MCF2L: variants seen among roughly 807,000 people sequenced by gnomAD.
MCF2L encodes guanine nucleotide exchange factor DBS.
In MCF2L, 97 loss-of-function variants were observed where a neutral mutation model predicts 153.4. That is an observed-to-expected ratio of 0.63 (90% CI 0.54 to 0.75). The LOEUF (loss-of-function observed/expected upper bound fraction) is 0.75, where lower values mean the gene tolerates loss of function less well. Ranked by LOEUF, MCF2L falls within the 30% of genes least tolerant of loss-of-function variation. The pLI is 0.00. For missense variants in MCF2L, 1,347 were observed against 1,495.2 expected (o/e 0.90, Z 1.64); for synonymous variants, 659 against 632.2 (o/e 1.04, Z -0.64).
At chr13:113,088,925 CG>C (rs1222060094) in intron 25 of MCF2L, among the ~76,000 whole-genome samples, 1 of 152,228 alleles carries the variant, frequency 6.6e-6, no homozygotes, top group Non-Finnish European at 1.5e-5. Flanking sequence ...CTCAGACAGT[CG>C]GGGCTCAGCT....
intron 1 of MCF2L, among the ~76,000 whole-genome samples, chr13:112,978,390 T>C (rs1455627108): frequency 2.0e-5 from 3 of 152,184 alleles, no homozygotes; most frequent in African/African-American, 7.2e-5. Flanking sequence ...AGGAGGGGGA[T>C]GGTATGTGGA....
In MCF2L at chr13:113,064,797, G is replaced by A. The variant is rs2297190; in HGVS notation, c.607-139G>A. 3,667 of 864,584 alleles carry A rather than the reference G, an allele frequency of 4.2e-3. 163 individuals carry two copies. The East Asian group carries it at 0.086, about 20-fold the overall frequency. The allele number at this position is 864,584 out of a possible 1,614,324, so 53.6% of individuals were successfully genotyped here. On this transcript the variant is annotated intron_variant, in intron 6 of 29. Transcript: ENST00000535094. The surrounding 1 kb of genome is among the most constrained non-coding windows in gnomAD (Gnocchi z 6.0). ...TCAAGGAGGGCAGGACGCTATGGGA[G>A]GGCGTTCACCGTCTTTGCGTCAGCC...
intron 2 of MCF2L, among the ~76,000 whole-genome samples, chr13:113,022,319 G>A (rs1007016181): frequency 9.8e-5 from 15 of 152,302 alleles, no homozygotes; most frequent in East Asian, 7.7e-4. Flanking sequence ...TGTTGCATCC[G>A]CTCCTCTTCC....
intron 2 of MCF2L, among the ~76,000 whole-genome samples, chr13:113,020,663 G>A (rs1030974241): frequency 2.6e-5 from 4 of 152,158 alleles, no homozygotes; most frequent in Non-Finnish European, 5.9e-5. Context: ...CCACTCCCAC[G>A]GCCTCCTCCC....
chr13:113,060,270 A>C (rs999902535), intron 4 of MCF2L, among the ~76,000 whole-genome samples: 1 of 152,232 alleles, frequency 6.6e-6, no homozygotes, highest in Non-Finnish European at 1.5e-5. Flanking sequence ...GTTCGGAGGC[A>C]CTGGGAGTTA....
chr13:112,906,961 A>G (rs2081179075), intron 2 of MCF2L, among the ~76,000 whole-genome samples: 1 of 152,232 alleles, frequency 6.6e-6, no homozygotes, highest in Non-Finnish European at 1.5e-5. Flanking sequence ...AACAAGTGGA[A>G]GACAATCCCT....
intron 2 of MCF2L, among the ~76,000 whole-genome samples, chr13:112,939,109 C>G (rs1169233645): frequency 2.0e-5 from 3 of 152,192 alleles, no homozygotes; most frequent in Non-Finnish European, 4.4e-5. Flanking sequence ...AGAAAAATGT[C>G]ACGTTTGGGT....
chr13:113,014,032 T>G (rs1424400886), intron 1 of MCF2L, among the ~76,000 whole-genome samples: 1 of 151,524 alleles, frequency 6.6e-6, no homozygotes, highest in Non-Finnish European at 1.5e-5. Context: ...CCCATGCTCC[T>G]AGCTGGTGCT....
chr13:112,990,231 C>T (rs757323513), intron 1 of MCF2L, among the ~76,000 whole-genome samples: 1 of 152,232 alleles, frequency 6.6e-6, no homozygotes, highest in African/African-American at 2.4e-5. Flanking sequence ...CCCTTCGTCA[C>T]TTTCTTATGT....
intron 1 of MCF2L, among the ~76,000 whole-genome samples, chr13:112,901,994 T>C (rs542929962): frequency 3.9e-5 from 6 of 152,338 alleles, no homozygotes; most frequent in African/African-American, 1.4e-4. Context: ...GTCAGAGTTA[T>C]AGAAGAAGGT....
intron 3 of MCF2L, among the ~76,000 whole-genome samples, chr13:113,036,629 C>T (rs984994377): frequency 6.6e-6 from 1 of 152,240 alleles, no homozygotes; most frequent in East Asian, 1.9e-4. Flanking sequence ...GTCCCGGCCC[C>T]GCATCCCCAG....
rs1301137982 is a variant in MCF2L at position 113,081,245 on chromosome 13, G to A, written c.1841G>A (p.Arg614Gln). 7 of 1,592,518 alleles carry A rather than the reference G, an allele frequency of 4.4e-6. No homozygotes were observed. Among genetic ancestry groups the A allele is most frequent in the Non-Finnish European group, 5.1e-6 (6 of 1,170,712 alleles). Residue 614 changes from arginine (R) to glutamine (Q), a missense_variant, in exon 16 of 30, where the codon CGG becomes CAG. Around this residue, in one of 3 missense-constraint regions of MCF2L, gnomAD observed 820 missense variants for 921.2 expected, o/e 0.89. Coordinates refer to ENST00000535094, the MANE Select transcript of MCF2L (RefSeq NM_001112732.3). ...HVMSELLDTE[R>Q]AYVEELLCVL... Reference sequence around the variant, plus strand: ...ATGAGCGAGCTCCTGGACACAGAACGGGCCTACGTGGAGGAGCTGCTGTGC... The same window carrying A: ...ATGAGCGAGCTCCTGGACACAGAACAGGCCTACGTGGAGGAGCTGCTGTGC...
At chr13:113,003,597 G>A (rs541068725) in intron 1 of MCF2L, among the ~76,000 whole-genome samples, 1 of 152,306 alleles carries the variant, frequency 6.6e-6, no homozygotes, top group Non-Finnish European at 1.5e-5. Context: ...GTTCCCTCCT[G>A]AAGGACCAGG....
At chr13:112,980,958 C>T (rs2082397237) in intron 1 of MCF2L, among the ~76,000 whole-genome samples, 1 of 152,208 alleles carries the variant, frequency 6.6e-6, no homozygotes, top group African/African-American at 2.4e-5. Flanking sequence ...GAGATGGGGA[C>T]CCCAACACAT....
chr13:112,935,904 G>A (rs1271746262), intron 2 of MCF2L, among the ~76,000 whole-genome samples: 1 of 152,140 alleles, frequency 6.6e-6, no homozygotes, highest in Non-Finnish European at 1.5e-5. Flanking sequence ...GCGGCCACAA[G>A]CAAAGGAGCA....
Position 113,024,724 on chromosome 13 carries a change from C to T in MCF2L, c.244C>T (p.Gln82Ter). 6.2e-7 allele frequency: 1 copy of T among 1,614,188 alleles called. No homozygotes were observed. The highest frequency in any genetic ancestry group is 8.5e-7 in the Non-Finnish European group (1 of 1,180,018). Reference sequence around the variant, plus strand: ...CAGCGAGATTCCGGACAAGGAGTTCCAGAATGTCATGACCTACCTCACCAG... The same window carrying T: ...CAGCGAGATTCCGGACAAGGAGTTCTAGAATGTCATGACCTACCTCACCAG... The part of the protein sequence containing the change: ...AFSEIPDKEF[Q>*]NVMTYLTSIP... Residue 82 changes from glutamine (Q) to a stop codon, truncating the protein, a stop_gained, in exon 3 of 30, where the codon CAG becomes TAG. Transcript: ENST00000535094. LOFTEE classifies it high-confidence loss of function.
intron 2 of MCF2L, among the ~76,000 whole-genome samples, chr13:112,913,028 CTG>C (rs1232324697): frequency 1.3e-4 from 17 of 128,642 alleles, no homozygotes; most frequent in African/African-American, 4.3e-4. Context: ...CTGGGTGTGT[CTG>C]TGATTGTGTG....
chr13:113,064,100 G>A lies in MCF2L; in HGVS notation c.490-204G>A, dbSNP rs966657183. Reference sequence around the variant, plus strand: ...GGCCATAACACACACACGCCACCACGAGAGGAGGTGTCGGCGGGGCGCTGA... The same window carrying A: ...GGCCATAACACACACACGCCACCACAAGAGGAGGTGTCGGCGGGGCGCTGA... On this transcript the variant is annotated intron_variant, in intron 5 of 29. Coordinates refer to ENST00000535094, the MANE Select transcript of MCF2L (RefSeq NM_001112732.3). The surrounding 1 kb of genome is among the most constrained non-coding windows in gnomAD (Gnocchi z 6.0). 1.3e-5 allele frequency among the ~76,000 whole-genome samples: 2 copies of A among 152,212 alleles called. No homozygotes were observed. The highest frequency in any genetic ancestry group is 6.5e-5 in the Admixed American group (1 of 15,286).
intron 1 of MCF2L, among the ~76,000 whole-genome samples, chr13:112,994,614 G>C (rs1027447050): frequency 5.9e-5 from 9 of 152,252 alleles, no homozygotes; most frequent in African/African-American, 2.2e-4. Context: ...ACAGCTGGGC[G>C]CGGTGACCAA....
Sources: gnomAD v4.1 joint callset for allele counts (sites outside exome capture counted in the v4.1 genomes callset) on GRCh38, gnomAD v4.1.1 for gene constraint, gnomAD v4.1.1 regional missense constraint, Gnocchi (gnomAD v3.1) non-coding constraint, MANE v1.5 for transcripts, NCBI Gene and HGNC (gene_info 2026-07-23, HGNC 2026-07-21) for gene names.